ADAM23: variants seen among roughly 807,000 people sequenced by gnomAD.
The protein encoded by ADAM23 is ADAM metallopeptidase domain 23.
Under a neutral mutation model 120.1 loss-of-function variants are expected in ADAM23, and 33 were observed. The observed-to-expected ratio is 0.27, with a 90% CI of 0.21 to 0.37. ADAM23 has a LOEUF of 0.37. Ranked by LOEUF, ADAM23 falls within the 10% of genes least tolerant of loss-of-function variation. The pLI, the probability that ADAM23 is intolerant of heterozygous loss-of-function variation, is 1.00. For synonymous variants in ADAM23, 367 were observed against 375.2 expected, an observed-to-expected ratio of 0.98 and a Z score of 0.25; for missense variants, 862 against 1,058.2, an observed-to-expected ratio of 0.81 and a Z score of 2.57.
At chr2:206,510,701 G>A (rs1349357468) in intron 3 of ADAM23, among the ~76,000 whole-genome samples, 1 of 152,170 alleles carries the variant, frequency 6.6e-6, no homozygotes, top group East Asian at 1.9e-4. Flanking sequence ...TAACTTGGCT[G>A]GACATGAAAT....
Position 206,495,167 on chromosome 2 carries a change from C to T in ADAM23, c.509+13859C>T, listed in dbSNP as rs550094830. 1.2e-4 allele frequency among the ~76,000 whole-genome samples: 18 copies of T among 152,118 alleles called. No individual in the cohort carries two copies. The East Asian group carries it at 1.5e-3, about 13-fold the overall frequency. ...TAGAGAACGCCACAAAGATACTCCTCGAGAAGAGCAACTCCAAGACACATA... is the reference window on the plus strand; with the variant it reads ...TAGAGAACGCCACAAAGATACTCCTTGAGAAGAGCAACTCCAAGACACATA... On this transcript the variant is annotated intron_variant, in intron 3 of 25. Coordinates refer to ENST00000264377, the MANE Select transcript of ADAM23 (RefSeq NM_003812.4).
intron 18 of ADAM23, among the ~76,000 whole-genome samples, chr2:206,586,368 G>A (rs1393952963): frequency 6.6e-6 from 1 of 152,170 alleles, no homozygotes; most frequent in South Asian, 2.1e-4. Flanking sequence ...TGGACAGGGT[G>A]TGAGCAGTGG....
intron 15 of ADAM23, among the ~76,000 whole-genome samples, chr2:206,569,225 A>G (rs950334594): frequency 1.3e-5 from 2 of 152,242 alleles, no homozygotes; most frequent in Admixed American, 6.5e-5. Context: ...TAGCATATGC[A>G]TAAAGATCCA....
Position 206,600,157 on chromosome 2 carries a change from G to A in ADAM23, c.2359+3995G>A, listed in dbSNP as rs541632303. ...GCAGAGCTTGCAGTGAGCTGAGATC[G>A]CGACACTGCACTCCAACCTGGGCAA... On this transcript the variant is annotated intron_variant, in intron 24 of 25. Transcript: ENST00000264377. 5.9e-5 allele frequency among the ~76,000 whole-genome samples: 9 copies of A among 152,274 alleles called. No individual in the cohort carries two copies. In the South Asian group the frequency reaches 6.2e-4, roughly 11 times the overall value.
At chr2:206,501,223 C>A (rs940860013) in intron 3 of ADAM23, among the ~76,000 whole-genome samples, 2 of 152,256 alleles carry the variant, frequency 1.3e-5, no homozygotes, top group East Asian at 3.9e-4. Context: ...TGCAATCTAA[C>A]TCCCTAGCTG....
At chr2:206,569,764 G>T (rs1394943533) in intron 15 of ADAM23, among the ~76,000 whole-genome samples, 1 of 152,190 alleles carries the variant, frequency 6.6e-6, no homozygotes. Flanking sequence ...CACCCAAGTA[G>T]CCTGGAAACC....
chr2:206,525,025 A>G (rs954215890), intron 3 of ADAM23, among the ~76,000 whole-genome samples: 2 of 152,174 alleles, frequency 1.3e-5, no homozygotes, highest in Non-Finnish European at 2.9e-5. Flanking sequence ...TAGGGTGACC[A>G]TATGCCCCAG....
chr2:206,603,855 A>G (rs1433040564), intron 24 of ADAM23, among the ~76,000 whole-genome samples: 1 of 152,026 alleles, frequency 6.6e-6, no homozygotes, highest in Non-Finnish European at 1.5e-5. Flanking sequence ...AATTTATGGG[A>G]GAGGGTTTTT....
intron 24 of ADAM23, among the ~76,000 whole-genome samples, chr2:206,601,076 G>T (rs562277956): frequency 1.3e-5 from 2 of 152,296 alleles, no homozygotes; most frequent in East Asian, 3.9e-4. Context: ...ATTCTCTCCT[G>T]TTACAGGGAG....
At chr2:206,502,273 A>AT (rs1696403909) in intron 3 of ADAM23, among the ~76,000 whole-genome samples, 1 of 152,050 alleles carries the variant, frequency 6.6e-6, no homozygotes, top group South Asian at 2.1e-4. Context: ...CCTTTTGATG[A>AT]TTTTACCTAA....
rs1291049314 is a variant in ADAM23, at chr2:206,596,148, A to G, written c.2345A>G (p.Asp782Gly). ...DPVRNLHPPK[D>G]EGPKGPSATN... ...GTTAGGAACCTTCACCCCCCCAAGGATGAAGGACCCAAGGGTTTGTGTGAT... is the reference window on the plus strand; with the variant it reads ...GTTAGGAACCTTCACCCCCCCAAGGGTGAAGGACCCAAGGGTTTGTGTGAT... Residue 782 changes from aspartate (D) to glycine (G), a missense_variant, in exon 24 of 26, where the codon GAT becomes GGT. Physicochemically the swap from Asp to Gly is moderately conservative, Grantham distance 94. Coordinates refer to ENST00000264377, the MANE Select transcript of ADAM23 (RefSeq NM_003812.4). 2 of 1,613,666 alleles carry G rather than the reference A, an allele frequency of 1.2e-6. No individual in the cohort carries two copies. The highest frequency in any genetic ancestry group is 2.2e-5 in the East Asian group (1 of 44,884).
At chr2:206,575,377 A>C (rs1452465713) in intron 18 of ADAM23, among the ~76,000 whole-genome samples, 4 of 152,198 alleles carry the variant, frequency 2.6e-5, no homozygotes, top group Non-Finnish European at 5.9e-5. Flanking sequence ...AATTCTTTTC[A>C]CGATTGTATG....
chr2:206,494,215 AC>A (rs1182437763), intron 3 of ADAM23, among the ~76,000 whole-genome samples: 1 of 152,182 alleles, frequency 6.6e-6, no homozygotes, highest in Admixed American at 6.6e-5. Flanking sequence ...CATCCACTGA[AC>A]TTACTGATTC....
chr2:206,517,175 T>A (rs977642067), intron 3 of ADAM23, among the ~76,000 whole-genome samples: 1 of 152,200 alleles, frequency 6.6e-6, no homozygotes, highest in African/African-American at 2.4e-5. Context: ...ATGTCTGCTC[T>A]CATCCTTTGT....
chr2:206,614,498 TA>T (rs1698897020), intron 25 of ADAM23, among the ~76,000 whole-genome samples: 1 of 151,686 alleles, frequency 6.6e-6, no homozygotes, highest in East Asian at 1.9e-4. Context: ...CTACTAAAAA[TA>T]CAAAAATTAA....
chr2:206,549,944 A>T, intron 8 of ADAM23, 151 bp from the exon 9 acceptor site: 1 of 434,300 alleles, frequency 2.3e-6, no homozygotes, highest in Admixed American at 4.3e-5. Flanking sequence ...ACTTTTTAAA[A>T]TTTGCCTGAC....
intron 24 of ADAM23, among the ~76,000 whole-genome samples, chr2:206,604,289 A>T (rs1698692501): frequency 6.6e-6 from 1 of 152,174 alleles, no homozygotes. Flanking sequence ...AAGAAAAAAA[A>T]GTTATAAAAT....
intron 18 of ADAM23, among the ~76,000 whole-genome samples, chr2:206,584,156 A>G (rs183079574): frequency 6.6e-6 from 1 of 152,020 alleles, no homozygotes; most frequent in Non-Finnish European, 1.5e-5. Flanking sequence ...CAGTGAGTCT[A>G]CCCGGCTCCA....
chr2:206,529,423 G>T (rs1027387364), intron 3 of ADAM23, among the ~76,000 whole-genome samples: 2 of 151,910 alleles, frequency 1.3e-5, no homozygotes, highest in Non-Finnish European at 2.9e-5. Context: ...TTTTGAGACA[G>T]GGTCTCACTC....
Sources: gnomAD v4.1 joint callset for allele counts (sites outside exome capture counted in the v4.1 genomes callset) on GRCh38, gnomAD v4.1.1 for gene constraint, MANE v1.5 for transcripts, NCBI Gene and HGNC (gene_info 2026-07-23, HGNC 2026-07-21) for gene names.